PDE4D: variants seen among roughly 807,000 people sequenced by gnomAD.
The protein encoded by PDE4D is phosphodiesterase 4D.
A neutral mutation model predicts 87.4 loss-of-function variants in PDE4D; 24 were observed. The ratio of observed to expected loss-of-function variants is 0.27; its 90% CI spans 0.20 to 0.39. PDE4D has a LOEUF of 0.39. Among genes scored for constraint, PDE4D ranks in the 10% least tolerant of loss-of-function variants. The pLI is 1.00. For synonymous variants in PDE4D, 384 were observed against 383.2 expected (o/e 1.00, Z -0.02); for missense variants, 714 against 1,041.0 (o/e 0.69, Z 4.32).
At chr5:59,395,437 C>A (rs1013180128) in intron 1 of PDE4D, among the ~76,000 whole-genome samples, 1 of 152,316 alleles carries the variant, frequency 6.6e-6, no homozygotes, top group African/African-American at 2.4e-5. Context: ...CCCTGACCCC[C>A]GAGCAGCCTA....
At chr5:60,130,962 A>G (rs1779513828) in intron 2 of PDE4D, among the ~76,000 whole-genome samples, 1 of 152,148 alleles carries the variant, frequency 6.6e-6, no homozygotes, top group Non-Finnish European at 1.5e-5. Flanking sequence ...GACTATGTAA[A>G]GATTATTTTC....
chr5:59,703,279 A>G (rs1312114158), intron 1 of PDE4D, among the ~76,000 whole-genome samples: 11 of 152,254 alleles, frequency 7.2e-5, no homozygotes, highest in Admixed American at 6.5e-4. Context: ...TTTACAACTT[A>G]CATTGCAAAC....
intron 1 of PDE4D, among the ~76,000 whole-genome samples, chr5:59,825,147 G>C (rs1770168466): frequency 6.6e-6 from 1 of 152,170 alleles, no homozygotes; most frequent in African/African-American, 2.4e-5. Flanking sequence ...AGAGAAAGGA[G>C]TGTAACTGAC....
At chr5:60,367,293 A>G (rs950880419) in intron 1 of PDE4D, among the ~76,000 whole-genome samples, 5 of 151,908 alleles carry the variant, frequency 3.3e-5, no homozygotes, top group African/African-American at 1.2e-4. Context: ...TACTAAAAAT[A>G]CAAAATTAGC....
intron 1 of PDE4D, among the ~76,000 whole-genome samples, chr5:59,239,271 C>T (rs1025327229): frequency 6.6e-6 from 1 of 152,174 alleles, no homozygotes; most frequent in African/African-American, 2.4e-5. Flanking sequence ...ATAGCTTTGG[C>T]AACACTGATC....
chr5:60,167,851 A>G (rs1312363960), intron 2 of PDE4D, among the ~76,000 whole-genome samples: 2 of 152,134 alleles, frequency 1.3e-5, no homozygotes, highest in African/African-American at 4.8e-5. Flanking sequence ...TATTCTGTCC[A>G]TTTGGTGTCA....
At chr5:60,398,214 C>T (rs1010189645) in intron 1 of PDE4D, among the ~76,000 whole-genome samples, 1 of 152,208 alleles carries the variant, frequency 6.6e-6, no homozygotes, top group Non-Finnish European at 1.5e-5. Flanking sequence ...AGTGGTACCT[C>T]ACCATTATTG....
chr5:60,143,645 GTGTGTA>G (rs1297672824), intron 2 of PDE4D, among the ~76,000 whole-genome samples: 44 of 125,886 alleles, frequency 3.5e-4, no homozygotes, highest in African/African-American at 1.3e-3. Flanking sequence ...GTGTGTGTGT[GTGTGTA>G]TGTGTGTGTG....
intron 2 of PDE4D, among the ~76,000 whole-genome samples, chr5:60,071,179 C>T (rs1772677192): frequency 6.6e-6 from 1 of 151,664 alleles, no homozygotes; most frequent in South Asian, 2.1e-4. Flanking sequence ...TTTGAATTTT[C>T]CGTTTCATGT....
intron 1 of PDE4D, among the ~76,000 whole-genome samples, chr5:59,731,897 T>C (rs901185722): frequency 2.0e-5 from 3 of 152,216 alleles, no homozygotes; most frequent in Non-Finnish European, 4.4e-5. Context: ...TGGTGTAAAG[T>C]GCATTATAAC....
At chr5:60,076,836 T>G (rs1773347436) in intron 2 of PDE4D, among the ~76,000 whole-genome samples, 1 of 152,176 alleles carries the variant, frequency 6.6e-6, no homozygotes, top group African/African-American at 2.4e-5. Context: ...CACAGCAGGG[T>G]GCATGCTTGT....
intron 2 of PDE4D, among the ~76,000 whole-genome samples, chr5:60,041,673 A>T (rs1406694991): frequency 6.6e-6 from 1 of 152,186 alleles, no homozygotes; most frequent in Non-Finnish European, 1.5e-5. Context: ...AGGGTTGGGC[A>T]TCAACTCACC....
At chr5:60,363,340 A>G (rs1760243395) in intron 1 of PDE4D, among the ~76,000 whole-genome samples, 1 of 152,196 alleles carries the variant, frequency 6.6e-6, no homozygotes. Context: ...ACCATCTTTT[A>G]CTATTTCCTC....
intron 1 of PDE4D, among the ~76,000 whole-genome samples, chr5:59,325,574 G>A (rs1417764989): frequency 6.6e-6 from 1 of 152,118 alleles, no homozygotes; most frequent in Non-Finnish European, 1.5e-5. Flanking sequence ...CAAGATTATT[G>A]CTTGAGCATA....
chr5:59,620,418 A>G (rs1830215693), intron 1 of PDE4D, among the ~76,000 whole-genome samples: 1 of 152,180 alleles, frequency 6.6e-6, no homozygotes, highest in Non-Finnish European at 1.5e-5. Context: ...CTTTAACGTA[A>G]TAAGAGGAGC....
intron 1 of PDE4D, among the ~76,000 whole-genome samples, chr5:59,515,527 C>T (rs114541494): frequency 1.3e-3 from 199 of 152,154 alleles, no homozygotes; most frequent in African/African-American, 4.6e-3. Context: ...ACAGATGATA[C>T]GATTGTCTAC....
intron 5 of PDE4D, among the ~76,000 whole-genome samples, chr5:59,048,397 A>G (rs1215688590): frequency 2.6e-5 from 4 of 152,236 alleles, no homozygotes. Flanking sequence ...CAATTACTGC[A>G]TACAGTATTC....
chr5:60,498,119 C>G (rs1044768080), intron 1 of PDE4D, among the ~76,000 whole-genome samples: 10 of 152,048 alleles, frequency 6.6e-5, no homozygotes, highest in East Asian at 5.8e-4. Context: ...AAGGCAAGAA[C>G]AGTTTGGAGG....
At chr5:60,483,089 T>C (rs528480484) in intron 1 of PDE4D, among the ~76,000 whole-genome samples, 1 of 152,302 alleles carries the variant, frequency 6.6e-6, no homozygotes, top group Admixed American at 6.5e-5. Context: ...ATTTGTCAAA[T>C]ATGGTAACTG....
Sources: allele counts gnomAD v4.1 joint callset (sites outside exome capture counted in the v4.1 genomes callset), GRCh38; gene constraint gnomAD v4.1.1; transcripts MANE v1.5; gene names NCBI Gene and HGNC (gene_info 2026-07-23, HGNC 2026-07-21).